Variants in DGKH observed in about 807,000 individuals in gnomAD.
DGKH encodes DAG kinase eta.
Under a neutral mutation model 159.3 loss-of-function variants are expected in DGKH, and 90 were observed. The ratio of observed to expected loss-of-function variants is 0.57; its 90% CI spans 0.48 to 0.67. The LOEUF (loss-of-function observed/expected upper bound fraction) is 0.67, where lower values mean the gene tolerates loss of function less well. Ranked by LOEUF, DGKH falls within the 30% of genes least tolerant of loss-of-function variation. DGKH has a pLI of 0.00. For synonymous variants in DGKH, 536 were observed against 553.8 expected (o/e 0.97, Z 0.45); for missense variants, 1,181 against 1,506.1 (o/e 0.78, Z 3.57).
chr13:42,128,249 A>G (rs1407642460), intron 2 of DGKH, among the ~76,000 whole-genome samples: 2 of 152,226 alleles, frequency 1.3e-5, no homozygotes, highest in African/African-American at 4.8e-5. Flanking sequence ...GTATTTTAGT[A>G]TTCAAAAATA....
intron 1 of DGKH, among the ~76,000 whole-genome samples, chr13:42,086,502 C>T (rs968363145): frequency 6.6e-6 from 1 of 152,102 alleles, no homozygotes; most frequent in African/African-American, 2.4e-5. Context: ...TAACATATAT[C>T]TTCCAACTAT....
chr13:42,218,413 C>T (rs1957863822), intron 26 of DGKH, among the ~76,000 whole-genome samples: 1 of 149,048 alleles, frequency 6.7e-6, no homozygotes, highest in Admixed American at 6.7e-5. Flanking sequence ...TAAGCCTATT[C>T]TTTAAATTTT....
chr13:42,210,460 A>G, intron 23 of DGKH, 142 bp from the exon 24 acceptor site: 1 of 781,588 alleles, frequency 1.3e-6, no homozygotes, highest in Non-Finnish European at 2.0e-6. Flanking sequence ...TACATTGGAA[A>G]ACTTTGAAAT....
At chr13:42,152,553 G>A (rs1328796268) in intron 3 of DGKH, among the ~76,000 whole-genome samples, 1 of 149,378 alleles carries the variant, frequency 6.7e-6, no homozygotes, top group Non-Finnish European at 1.5e-5. Context: ...ACCCCAACAA[G>A]TAACACATGA....
intron 27 of DGKH, 46 bp downstream of exon 27, chr13:42,219,395 C>A: frequency 6.3e-7 from 1 of 1,593,232 alleles, no homozygotes; most frequent in Admixed American, 1.8e-5. Flanking sequence ...GACCATATTG[C>A]TATAGAATTT....
chr13:42,190,599 T>A, intron 16 of DGKH, 74 bp downstream of exon 16: 1 of 1,438,302 alleles, frequency 7.0e-7, no homozygotes. Flanking sequence ...AAAAGGCTGA[T>A]CAGTTTGAAA....
At position 42,157,389 on chromosome 13, in the gene DGKH, T is replaced by C. The variant is rs144255824; in HGVS notation, c.622+1590T>C. Among the ~76,000 whole-genome samples the C allele has an allele frequency of 3.6e-3, 543 of 152,352 alleles. 8 individuals are homozygous for C. The East Asian group carries it at 0.047, about 13-fold the overall frequency. ...ATTATTAAATATTTTTATTTAAAAA[T>C]TGAGTCAGTAGTGGAATGACTGAGT... On this transcript the variant is annotated intron_variant, in intron 5 of 29. Transcript: ENST00000337343.
At chr13:42,225,348 T>C in intron 29 of DGKH, 1 of 1,575,106 alleles carries the variant, frequency 6.3e-7, no homozygotes, top group Non-Finnish European at 8.5e-7. Context: ...GTGAGAGTTT[T>C]TTGTTTAGTT....
intron 1 of DGKH, among the ~76,000 whole-genome samples, chr13:42,103,142 A>T (rs2137779386): frequency 6.6e-6 from 1 of 152,220 alleles, no homozygotes; most frequent in East Asian, 1.9e-4. Context: ...ATTTGGGGTT[A>T]TAGTGTGGGT....
At chr13:42,256,393 G>T in exon 31 of DGKH, 1 of 1,580,362 alleles carries the variant, frequency 6.3e-7, no homozygotes, top group Non-Finnish European at 8.7e-7. Context: ...CTCGTATAGC[G>T]TATGACAAGG....
intron 24 of DGKH, among the ~76,000 whole-genome samples, chr13:42,212,248 A>T (rs1020268229): frequency 7.9e-5 from 12 of 152,188 alleles, no homozygotes; most frequent in Admixed American, 7.2e-4. Context: ...GAGATGTTAG[A>T]GACAGAAGAG....
In DGKH at chr13:42,048,836, C is replaced by G; in HGVS notation, c.63C>G (p.Ala21=). 7.4e-7 allele frequency: 1 copy of G among 1,347,332 alleles called. No individual in the cohort carries two copies. The highest frequency in any genetic ancestry group is 3.9e-5 in the Admixed American group (1 of 25,784). The allele number at this position is 1,347,332 out of a possible 1,614,324, so 83.5% of individuals were successfully genotyped here. A position where few individuals can be genotyped will look rare whatever the true frequency, so the allele number is the denominator to read the frequency against. Reference sequence around the variant, plus strand: ...CCGCTGGAGGAGCGGCCGCCGGAGCCGGCGCCGCGGTCACCTCCGCCGCTG... The same window carrying G: ...CCGCTGGAGGAGCGGCCGCCGGAGCGGGCGCCGCGGTCACCTCCGCCGCTG... ...PGAAGGAAAG[A]GAAVTSAAAS... The change falls in exon 1 of 30, where the codon GCC becomes GCG. Residue 21 remains alanine (A), a synonymous_variant. Coordinates refer to ENST00000337343, the MANE Select transcript of DGKH (RefSeq NM_178009.5). The surrounding 1 kb of genome is among the most constrained non-coding windows in gnomAD (Gnocchi z 6.7).
At chr13:42,181,796 A>G in intron 13 of DGKH, 1 of 406,092 alleles carries the variant, frequency 2.5e-6, no homozygotes, top group Non-Finnish European at 4.8e-6. Context: ...CAGGAGACTC[A>G]ACTGCAGTGG....
chr13:42,186,004 GGTGGTGGTGT>G (rs1956912724), intron 13 of DGKH, among the ~76,000 whole-genome samples: 2 of 75,604 alleles, frequency 2.6e-5, no homozygotes, highest in Non-Finnish European at 2.9e-5. Context: ...GAGTGGTGGT[GGTGGTGGTGT>G]GTGTGTGTGT....
intron 1 of DGKH, among the ~76,000 whole-genome samples, chr13:42,063,337 A>C (rs1402895514): frequency 6.6e-6 from 1 of 152,130 alleles, no homozygotes; most frequent in African/African-American, 2.4e-5. Flanking sequence ...GTGGGAAGGG[A>C]GTGAGGGGAA....
At chr13:42,134,898 A>C (rs1268249487) in intron 3 of DGKH, among the ~76,000 whole-genome samples, 1 of 151,732 alleles carries the variant, frequency 6.6e-6, no homozygotes, top group Non-Finnish European at 1.5e-5. Context: ...AATTGCTTGA[A>C]CCCGGGAAGC....
chr13:42,041,773 C>G (rs534059400), intron 1 of DGKH, among the ~76,000 whole-genome samples: 1 of 152,220 alleles, frequency 6.6e-6, no homozygotes, highest in South Asian at 2.1e-4. Flanking sequence ...CGCCCTGCCT[C>G]GATATTTGCT....
chr13:42,206,997 TTC>T (rs1176811716), intron 21 of DGKH, among the ~76,000 whole-genome samples: 1 of 139,790 alleles, frequency 7.2e-6, no homozygotes, highest in African/African-American at 2.7e-5. Flanking sequence ...CTTTCTTTCT[TTC>T]TTTCTTTCTT....
At chr13:42,225,228 A>G in intron 29 of DGKH, 2 of 1,531,782 alleles carry the variant, frequency 1.3e-6, no homozygotes, top group Non-Finnish European at 1.8e-6. Context: ...CAGCCAGGAA[A>G]GTATTTCCAA....
Sources: allele counts gnomAD v4.1 joint callset (sites outside exome capture counted in the v4.1 genomes callset), GRCh38; gene constraint gnomAD v4.1.1; non-coding constraint Gnocchi (gnomAD v3.1); transcripts MANE v1.5; gene names NCBI Gene and HGNC (gene_info 2026-07-23, HGNC 2026-07-21).